The following UPRT variants were observed in gnomAD, a reference collection of about 807,000 sequenced individuals.
UPRT encodes the protein uracil phosphoribosyltransferase homolog, also known as RP11-311P8.3.
Under a neutral mutation model 22.6 loss-of-function variants are expected in UPRT, and 5 were observed. The observed-to-expected ratio is 0.22, with a 90% confidence interval of 0.12 to 0.47. The LOEUF (loss-of-function observed/expected upper bound fraction) is 0.47. Among genes scored for constraint, UPRT ranks in the 20% least tolerant of loss-of-function variants. UPRT has a pLI of 0.99. For synonymous variants in UPRT, 77 were observed against 87.7 expected (o/e 0.88, Z 0.68); for missense variants, 181 against 239.9 (o/e 0.75, Z 1.62).
intron 4 of UPRT, among the ~76,000 whole-genome samples, chrX:75,209,715 G>A (rs2082375561): frequency 8.9e-6 from 1 of 112,081 alleles, no homozygotes; most frequent in Non-Finnish European, 1.9e-5. Context: ...TTTTGAGGGT[G>A]GCCTGGGATT....
chrX:75,263,118 G>A (rs759746878), intron 4 of UPRT, among the ~76,000 whole-genome samples: 13 of 112,222 alleles, frequency 1.2e-4, no homozygotes, highest in African/African-American at 3.9e-4. Context: ...TCAGACCACA[G>A]TGCAATCAAA....
chrX:75,204,746 G>T (rs187388959), intron 4 of UPRT, among the ~76,000 whole-genome samples: 1 of 111,760 alleles, frequency 8.9e-6, no homozygotes, highest in Non-Finnish European at 1.9e-5. Context: ...TCCAAGGAGA[G>T]CCCTTGATTT....
intron 1 of UPRT, among the ~76,000 whole-genome samples, chrX:75,284,908 G>T (rs187210314): frequency 6.3e-5 from 7 of 111,049 alleles, no homozygotes; most frequent in Admixed American, 1.9e-4. Flanking sequence ...GAGTAGGGAA[G>T]GAACATTAGG....
chrX:75,181,017 C>A, intron 4 of UPRT, among the ~76,000 whole-genome samples: 1 of 110,498 alleles, frequency 9.0e-6, no homozygotes, highest in South Asian at 3.8e-4. Context: ...TGTCTTCAAT[C>A]CATCTTTTTT....
intron 4 of UPRT, among the ~76,000 whole-genome samples, chrX:75,223,026 G>C (rs1488713852): frequency 9.1e-6 from 1 of 110,031 alleles, no homozygotes; most frequent in East Asian, 2.9e-4. Context: ...GATTATTTAG[G>C]GTTCAAGGGG....
At chrX:75,220,797 A>G (rs2082407661) in intron 4 of UPRT, among the ~76,000 whole-genome samples, 1 of 111,191 alleles carries the variant, frequency 9.0e-6, no homozygotes, top group African/African-American at 3.3e-5. Flanking sequence ...AAGTTTTTGT[A>G]GTTGTTTTTG....
In UPRT at chrX:75,252,357, C is replaced by A. The variant is rs185202609; in HGVS notation, c.-446-38667C>A. Among the ~76,000 whole-genome samples the A allele has an allele frequency of 9.4e-3, 1,049 of 111,885 alleles. 13 individuals carry two copies. Among genetic ancestry groups the A allele is most frequent in the Non-Finnish European group, 0.016 (843 of 53,124 alleles). ...AACAAATTTACAAGAAAAAAACAAA[C>A]AACCCCATCAAAAAGTGAGGGAAGG... is the stretch of plus-strand genomic sequence containing the variant. On this transcript the variant is annotated intron_variant, in intron 4 of 13. Coordinates refer to the UPRT transcript ENST00000652605.
intron 4 of UPRT, among the ~76,000 whole-genome samples, chrX:75,212,787 CAG>C (rs891913467): frequency 1.8e-5 from 2 of 110,620 alleles, no homozygotes; most frequent in African/African-American, 3.3e-5. Flanking sequence ...TGGGGCCTGT[CAG>C]GGGTGTGGGG....
chrX:75,217,371 A>T (rs922156443), intron 4 of UPRT, among the ~76,000 whole-genome samples: 3 of 111,298 alleles, frequency 2.7e-5, no homozygotes, highest in East Asian at 2.8e-4. Context: ...TGGGGATGGC[A>T]TTGAATCTAC....
chrX:75,302,490 T>A (rs2082747609), intron 6 of UPRT, among the ~76,000 whole-genome samples: 1 of 111,281 alleles, frequency 9.0e-6, no homozygotes, highest in African/African-American at 3.3e-5. Context: ...GTATTGGTCA[T>A]CTCTTAAGCT....
intron 4 of UPRT, among the ~76,000 whole-genome samples, chrX:75,204,450 G>C (rs1375662760): frequency 1.8e-5 from 2 of 112,712 alleles, no homozygotes; most frequent in African/African-American, 6.4e-5. Flanking sequence ...AAGACCAGGG[G>C]TTGACAGGCA....
chrX:75,282,797 C>T (rs1008085302), intron 1 of UPRT, among the ~76,000 whole-genome samples: 1 of 111,136 alleles, frequency 9.0e-6, no homozygotes, highest in Non-Finnish European at 1.9e-5. Flanking sequence ...CAATTTGTTC[C>T]GAGGTATAGT....
At chrX:75,203,305 T>TA (rs2082352552) in intron 4 of UPRT, among the ~76,000 whole-genome samples, 1 of 111,080 alleles carries the variant, frequency 9.0e-6, no homozygotes, top group Non-Finnish European at 1.9e-5. Context: ...AACAAGTTCT[T>TA]AGAGACCTAC....
chrX:75,256,389 A>T (rs779592227), intron 4 of UPRT, among the ~76,000 whole-genome samples: 2 of 111,747 alleles, frequency 1.8e-5, no homozygotes, highest in South Asian at 7.3e-4. Context: ...GTTCATAGCC[A>T]TAAACACCTA....
intron 4 of UPRT, among the ~76,000 whole-genome samples, chrX:75,260,238 A>G (rs1454308604): frequency 8.9e-6 from 1 of 112,528 alleles, no homozygotes; most frequent in African/African-American, 3.2e-5. Context: ...TGACAGGATT[A>G]GATTCACACA....
intron 4 of UPRT, among the ~76,000 whole-genome samples, chrX:75,236,189 C>T (rs1471187408): frequency 9.0e-6 from 1 of 111,248 alleles, no homozygotes. Context: ...GATTGAACTC[C>T]CATTCACAAT....
intron 4 of UPRT, among the ~76,000 whole-genome samples, chrX:75,251,443 G>T (rs1050769670): frequency 5.4e-5 from 6 of 111,137 alleles, no homozygotes; most frequent in Admixed American, 9.6e-5. Context: ...CCCAAATCAT[G>T]AGTGAACTCC....
chrX:75,288,670 A>G (rs1363184946), intron 1 of UPRT, among the ~76,000 whole-genome samples: 3 of 111,758 alleles, frequency 2.7e-5, no homozygotes, highest in African/African-American at 6.5e-5. Context: ...CTTAGTTATC[A>G]AAGGAAAATA....
At chrX:75,203,616 A>G (rs1396779933) in intron 4 of UPRT, among the ~76,000 whole-genome samples, 1 of 110,656 alleles carries the variant, frequency 9.0e-6, no homozygotes. Context: ...GCTTAATGCC[A>G]GTGCCACCAC....
Sources: gnomAD v4.1 joint callset for allele counts (sites outside exome capture counted in the v4.1 genomes callset) on GRCh38, gnomAD v4.1.1 for gene constraint, MANE v1.5 for transcripts, NCBI Gene and HGNC (gene_info 2026-07-23, HGNC 2026-07-21) for gene names.